Variants in MARCHF1 observed in about 807,000 individuals in gnomAD.
MARCHF1 encodes the protein E3 ubiquitin-protein ligase MARCHF1.
In MARCHF1, 40 loss-of-function variants were observed where a neutral mutation model predicts 54.2. The observed-to-expected ratio is 0.74, with a 90% CI of 0.57 to 0.96. The LOEUF (loss-of-function observed/expected upper bound fraction) is 0.96, where lower values mean the gene tolerates loss of function less well. Among genes scored for constraint, MARCHF1 ranks in the 40% least tolerant of loss-of-function variants. The pLI is 0.00. For synonymous variants in MARCHF1, 236 were observed against 236.3 expected, an observed-to-expected ratio of 1.00 and a Z score of 0.01; for missense variants, 586 against 656.5, an observed-to-expected ratio of 0.89 and a Z score of 1.17.
intron 1 of MARCHF1, chr4:164,188,820 T>C: frequency 2.5e-6 from 2 of 800,216 alleles, no homozygotes; most frequent in East Asian, 2.4e-5. Context: ...ATTTCTGCCA[T>C]GGTTCTCACT....
chr4:164,144,660 G>T (rs1435127789), intron 1 of MARCHF1, among the ~76,000 whole-genome samples: 1 of 134,306 alleles, frequency 7.4e-6, no homozygotes, highest in Admixed American at 7.6e-5. Flanking sequence ...TCTCTGGGAC[G>T]CATTCAAAGC....
At chr4:163,993,120 A>G (rs889516036) in intron 2 of MARCHF1, among the ~76,000 whole-genome samples, 1 of 152,160 alleles carries the variant, frequency 6.6e-6, no homozygotes, top group Admixed American at 6.6e-5. Flanking sequence ...ATTATGAAGC[A>G]TACACTTATG....
intron 1 of MARCHF1, among the ~76,000 whole-genome samples, chr4:164,176,988 A>C (rs867197023): frequency 0.011 from 797 of 74,784 alleles, 11 homozygotes; most frequent in East Asian, 0.037. Context: ...CTCTATATAT[A>C]TATATATATA....
intron 3 of MARCHF1, among the ~76,000 whole-genome samples, chr4:163,979,844 C>T (rs1346564977): frequency 1.3e-5 from 2 of 151,860 alleles, no homozygotes; most frequent in African/African-American, 4.8e-5. Context: ...CTGTTCATGT[C>T]CTTCACCCAC....
chr4:163,912,276 T>G (rs938944580), intron 3 of MARCHF1, among the ~76,000 whole-genome samples: 9 of 152,160 alleles, frequency 5.9e-5, no homozygotes, highest in African/African-American at 2.2e-4. Flanking sequence ...GCTAAAAACT[T>G]GAGCTCTCCT....
chr4:163,652,219 T>C (rs1205185196), intron 5 of MARCHF1, among the ~76,000 whole-genome samples: 5 of 151,854 alleles, frequency 3.3e-5, no homozygotes, highest in African/African-American at 1.2e-4. Flanking sequence ...ATTCAGTGGT[T>C]TTCACAACAA....
At chr4:164,164,230 T>A (rs75370113) in intron 1 of MARCHF1, among the ~76,000 whole-genome samples, 68 of 151,732 alleles carry the variant, frequency 4.5e-4, no homozygotes, top group African/African-American at 1.6e-3. Context: ...TAATAATAAA[T>A]ATTAGAGGAG....
intron 5 of MARCHF1, among the ~76,000 whole-genome samples, chr4:163,632,700 A>G (rs1278353176): frequency 6.6e-6 from 1 of 152,240 alleles, no homozygotes; most frequent in Non-Finnish European, 1.5e-5. Context: ...AGGCTTGCTT[A>G]GGTAAACAAA....
At chr4:164,139,290 C>T (rs764751991) in intron 1 of MARCHF1, among the ~76,000 whole-genome samples, 1 of 152,114 alleles carries the variant, frequency 6.6e-6, no homozygotes, top group Non-Finnish European at 1.5e-5. Flanking sequence ...CACAAAACGG[C>T]AATATTCCAT....
chr4:164,333,210 AAAT>A (rs1453815747), intron 1 of MARCHF1, among the ~76,000 whole-genome samples: 2 of 152,216 alleles, frequency 1.3e-5, no homozygotes, highest in African/African-American at 4.8e-5. Flanking sequence ...GATGTAATAT[AAAT>A]AATAGATTAC....
chr4:163,547,754 G>T (rs572320137), intron 8 of MARCHF1, among the ~76,000 whole-genome samples: 2 of 152,328 alleles, frequency 1.3e-5, no homozygotes, highest in South Asian at 4.1e-4. Flanking sequence ...CTTCAAGTAT[G>T]ACCTTGATGC....
At chr4:163,751,938 G>A (rs905952525) in intron 4 of MARCHF1, among the ~76,000 whole-genome samples, 2 of 150,248 alleles carry the variant, frequency 1.3e-5, no homozygotes, top group Non-Finnish European at 1.5e-5. Context: ...TTGCCTTACT[G>A]GATAGCGATA....
intron 7 of MARCHF1, among the ~76,000 whole-genome samples, chr4:163,592,002 C>G (rs1295276608): frequency 6.6e-6 from 1 of 152,112 alleles, no homozygotes; most frequent in African/African-American, 2.4e-5. Flanking sequence ...GACATGGAGA[C>G]AGCAAGCAAT....
intron 2 of MARCHF1, among the ~76,000 whole-genome samples, chr4:164,105,447 C>T (rs954969745): frequency 1.3e-5 from 2 of 148,844 alleles, no homozygotes; most frequent in Non-Finnish European, 3.0e-5. Flanking sequence ...ACAGAGCCCT[C>T]AGAAATAACG....
chr4:164,215,878 G>A (rs950524127), intron 1 of MARCHF1, among the ~76,000 whole-genome samples: 5 of 152,090 alleles, frequency 3.3e-5, no homozygotes, highest in Admixed American at 3.3e-4. Flanking sequence ...CATTAACCAT[G>A]CTAGAGAAAA....
intron 2 of MARCHF1, among the ~76,000 whole-genome samples, chr4:164,035,155 T>C (rs1466550165): frequency 6.6e-6 from 1 of 152,130 alleles, no homozygotes; most frequent in African/African-American, 2.4e-5. Context: ...ATATATTACT[T>C]GAACACATAA....
At chr4:164,199,614 T>A (rs1731381254) in intron 1 of MARCHF1, among the ~76,000 whole-genome samples, 1 of 138,970 alleles carries the variant, frequency 7.2e-6, no homozygotes, top group East Asian at 2.1e-4. Flanking sequence ...CCAGCCTGGG[T>A]GACAGAGCAG....
At position 164,051,607 on chromosome 4, in the gene MARCHF1, A is replaced by AT. The variant is rs147167887; in HGVS notation, c.-248+59980dup. ...ACAATTTGATGAGATAGGTATTAATATTTTTTCCTTACTATAAGAGGTGTC... is the reference window on the plus strand; with the variant it reads ...ACAATTTGATGAGATAGGTATTAATATTTTTTTCCTTACTATAAGAGGTGTC... On this transcript the variant is annotated intron_variant, in intron 2 of 9. Coordinates refer to ENST00000514618, the MANE Select transcript of MARCHF1 (RefSeq NM_001394959.1). 7.6e-3 allele frequency among the ~76,000 whole-genome samples: 1,157 copies of AT among 152,258 alleles called. 12 individuals carry two copies. Among genetic ancestry groups the AT allele is most frequent in the East Asian group, 0.034 (174 of 5,172 alleles).
At chr4:163,638,348 T>G (rs1315951017) in intron 5 of MARCHF1, among the ~76,000 whole-genome samples, 1 of 151,978 alleles carries the variant, frequency 6.6e-6, no homozygotes, top group African/African-American at 2.4e-5. Context: ...AATGGCTTAG[T>G]CCCATCGTCT....
Sources: gnomAD v4.1 joint callset for allele counts (sites outside exome capture counted in the v4.1 genomes callset) on GRCh38, gnomAD v4.1.1 for gene constraint, MANE v1.5 for transcripts, NCBI Gene and HGNC (gene_info 2026-07-23, HGNC 2026-07-21) for gene names.